Variants in LRP1B observed in about 807,000 individuals in gnomAD.
The protein encoded by LRP1B is low-density lipoprotein receptor-related protein 1B.
Under a neutral mutation model 556.6 loss-of-function variants are expected in LRP1B, and 217 were observed. That is an observed-to-expected ratio of 0.39 (90% CI 0.35 to 0.44). The LOEUF (loss-of-function observed/expected upper bound fraction) is 0.44, where lower values mean the gene tolerates loss of function less well. Ranked by LOEUF, LRP1B falls within the 20% of genes least tolerant of loss-of-function variation. The pLI is 1.00. For synonymous variants in LRP1B, 2,047 were observed against 1,865.8 expected, an observed-to-expected ratio of 1.10 and a Z score of -2.50; for missense variants, 5,053 against 5,620.8, an observed-to-expected ratio of 0.90 and a Z score of 3.23.
intron 25 of LRP1B, among the ~76,000 whole-genome samples, chr2:140,878,790 C>T (rs886368934): frequency 5.9e-5 from 9 of 151,622 alleles, no homozygotes; most frequent in South Asian, 2.1e-4. Context: ...ATGGATCATG[C>T]GAGGTCAGGA....
chr2:141,354,755 A>G (rs1688564683), intron 3 of LRP1B, among the ~76,000 whole-genome samples: 1 of 151,936 alleles, frequency 6.6e-6, no homozygotes, highest in African/African-American at 2.4e-5. Context: ...ACTCAAGTAA[A>G]GTGCAATCAA....
At chr2:141,491,010 G>A (rs1683313602) in intron 2 of LRP1B, among the ~76,000 whole-genome samples, 2 of 150,692 alleles carry the variant, frequency 1.3e-5, no homozygotes, top group South Asian at 4.2e-4. Context: ...TTCTTTCATG[G>A]GTGATACATG....
intron 90 of LRP1B, 195 bp downstream of exon 90, chr2:140,234,591 G>T (rs1573660596): frequency 4.5e-6 from 2 of 447,396 alleles, no homozygotes. Context: ...TTAATGGCTT[G>T]CCTAAAATAA....
chr2:141,741,072 C>T (rs754643638), intron 2 of LRP1B, among the ~76,000 whole-genome samples: 1 of 151,986 alleles, frequency 6.6e-6, no homozygotes, highest in Non-Finnish European at 1.5e-5. Context: ...TTGCCAGTTC[C>T]ATCCATGCTG....
chr2:140,942,144 A>G (rs934917331), intron 20 of LRP1B, among the ~76,000 whole-genome samples: 2 of 152,230 alleles, frequency 1.3e-5, no homozygotes, highest in East Asian at 1.9e-4. Flanking sequence ...ATTTCAAAAT[A>G]TAATTGGAAG....
chr2:141,785,299 C>T (rs1025576375), intron 2 of LRP1B, among the ~76,000 whole-genome samples: 1 of 151,866 alleles, frequency 6.6e-6, no homozygotes, highest in East Asian at 1.9e-4. Context: ...TTCATGTCAG[C>T]AAGAAATAAC....
chr2:140,843,589 C>T (rs2105104290), intron 29 of LRP1B, among the ~76,000 whole-genome samples: 1 of 152,258 alleles, frequency 6.6e-6, no homozygotes, highest in Admixed American at 6.5e-5. Context: ...CCAGATATTA[C>T]CTGATCTTTC....
intron 72 of LRP1B, among the ~76,000 whole-genome samples, chr2:140,364,364 A>C (rs1451010175): frequency 6.6e-6 from 1 of 151,612 alleles, no homozygotes; most frequent in Non-Finnish European, 1.5e-5. Context: ...TTATTATATG[A>C]ATCTTATTCA....
chr2:140,944,341 A>T (rs755909205), intron 20 of LRP1B, among the ~76,000 whole-genome samples: 1 of 152,140 alleles, frequency 6.6e-6, no homozygotes, highest in African/African-American at 2.4e-5. Flanking sequence ...CCTGACCTAC[A>T]AAGAAGAACA....
chr2:140,600,780 T>C (rs887661558), intron 42 of LRP1B, among the ~76,000 whole-genome samples: 2 of 145,486 alleles, frequency 1.4e-5, no homozygotes, highest in Admixed American at 6.9e-5. Flanking sequence ...TTTTTTTTTT[T>C]TTTTTTTTTT....
chr2:140,617,770 G>A (rs921873916), intron 41 of LRP1B, among the ~76,000 whole-genome samples: 1 of 151,896 alleles, frequency 6.6e-6, no homozygotes, highest in Non-Finnish European at 1.5e-5. Flanking sequence ...GTTCTATTTT[G>A]AGAAATCTAC....
chr2:142,048,162 C>T (rs920298944), intron 1 of LRP1B, among the ~76,000 whole-genome samples: 2 of 152,014 alleles, frequency 1.3e-5, no homozygotes, highest in Non-Finnish European at 2.9e-5. Flanking sequence ...CAAAAGTAGG[C>T]AGCATCTGCA....
intron 41 of LRP1B, among the ~76,000 whole-genome samples, chr2:140,697,888 G>T (rs554275106): frequency 2.6e-5 from 4 of 151,886 alleles, no homozygotes; most frequent in African/African-American, 9.7e-5. Flanking sequence ...TGTAATAAAA[G>T]CCACTGAATT....
At chr2:140,326,783 A>T (rs966404328) in intron 79 of LRP1B, among the ~76,000 whole-genome samples, 7 of 152,080 alleles carry the variant, frequency 4.6e-5, no homozygotes, top group Non-Finnish European at 8.8e-5. Flanking sequence ...TTTCTCTGAG[A>T]GTGCTTGTCT....
intron 7 of LRP1B, among the ~76,000 whole-genome samples, chr2:141,136,645 A>C (rs1260778893): frequency 2.0e-5 from 3 of 148,974 alleles, no homozygotes; most frequent in African/African-American, 7.3e-5. Context: ...AAAAAAAAAA[A>C]ATACTCTGAT....
intron 43 of LRP1B, among the ~76,000 whole-genome samples, chr2:140,595,597 T>C (rs1175752786): frequency 6.6e-6 from 1 of 152,182 alleles, no homozygotes; most frequent in Admixed American, 6.5e-5. Flanking sequence ...CAATGACTTC[T>C]GCTAATTTCC....
At chr2:142,121,128 T>A (rs1470173296) in intron 1 of LRP1B, among the ~76,000 whole-genome samples, 1 of 152,186 alleles carries the variant, frequency 6.6e-6, no homozygotes, top group Non-Finnish European at 1.5e-5. Flanking sequence ...AAAATCTTTC[T>A]AAACTAAAAA....
rs560765080 is a variant in LRP1B at position 141,484,130 on chromosome 2, A to G, written c.206-3597T>C. ...TTAAGTCTTTAATCCATCTTGAATT[A>G]ATTTTTGTATAAGGTGTAAGTAAGG... On this transcript the variant is annotated intron_variant, in intron 2 of 90. Transcript: ENST00000389484. 2.0e-4 allele frequency among the ~76,000 whole-genome samples: 30 copies of G among 151,208 alleles called. No individual in the cohort carries two copies. In the South Asian group the frequency reaches 6.1e-3, roughly 31 times the overall value.
chr2:140,326,130 T>C (rs1680463610), intron 79 of LRP1B, among the ~76,000 whole-genome samples: 1 of 152,152 alleles, frequency 6.6e-6, no homozygotes, highest in Non-Finnish European at 1.5e-5. Context: ...TAGGAAAGTC[T>C]GTCCTAAATA....
Sources: gnomAD v4.1 joint callset for allele counts (sites outside exome capture counted in the v4.1 genomes callset) on GRCh38, gnomAD v4.1.1 for gene constraint, MANE v1.5 for transcripts, NCBI Gene and HGNC (gene_info 2026-07-23, HGNC 2026-07-21) for gene names.